Variants in GPHN observed in about 807,000 individuals in gnomAD.
The protein encoded by GPHN is gephyrin.
GPHN carries 17 observed loss-of-function variants against 95.5 expected under a neutral mutation model. That is an observed-to-expected ratio of 0.18 (90% CI 0.12 to 0.27). GPHN has a LOEUF of 0.27. Ranked by LOEUF, GPHN falls within the 10% of genes least tolerant of loss-of-function variation. The probability of loss-of-function intolerance (pLI) is 1.00; values close to 1 mark genes in which losing one functional copy is unlikely to be tolerated. For synonymous variants in GPHN, 320 were observed against 322.5 expected, an observed-to-expected ratio of 0.99 and a Z score of 0.08; for missense variants, 660 against 978.1, an observed-to-expected ratio of 0.67 and a Z score of 4.34.
At chr14:66,621,058 G>A (rs996400913) in intron 1 of GPHN, among the ~76,000 whole-genome samples, 24 of 151,898 alleles carry the variant, frequency 1.6e-4, no homozygotes, top group African/African-American at 5.3e-4. Context: ...TCTGCCTCCC[G>A]GGTTCACGCC....
chr14:66,551,512 A>C (rs1017994695), intron 1 of GPHN, among the ~76,000 whole-genome samples: 2 of 152,222 alleles, frequency 1.3e-5, no homozygotes, highest in African/African-American at 4.8e-5. Context: ...CTTGAGCTAG[A>C]AAGTTTGTTG....
chr14:67,349,710 C>CA, the GPHN span, among the ~76,000 whole-genome samples: 1 of 152,108 alleles, frequency 6.6e-6, no homozygotes, highest in Non-Finnish European at 1.5e-5. Flanking sequence ...CAAAACAAAA[C>CA]AAAAATAAAT....
the GPHN span, chr14:67,691,251 G>A: frequency 1.7e-5 from 28 of 1,606,038 alleles, no homozygotes; most frequent in Non-Finnish European, 2.2e-5. Flanking sequence ...TCCTCTGCAG[G>A]GACAAGACGA....
At chr14:67,226,422 A>G in the GPHN span, among the ~76,000 whole-genome samples, 13 of 149,408 alleles carry the variant, frequency 8.7e-5, no homozygotes, top group Admixed American at 2.7e-4. Context: ...GTGCAGTGGC[A>G]CAATCTTGGC....
intron 4 of GPHN, chr14:66,842,658 C>A (rs1275583967): frequency 6.5e-7 from 1 of 1,531,794 alleles, no homozygotes; most frequent in Non-Finnish European, 8.7e-7. Context: ...TCCCTTTTCT[C>A]TTCTGTTTTT....
intron 4 of GPHN, among the ~76,000 whole-genome samples, chr14:66,824,928 G>A (rs570552323): frequency 9.2e-5 from 14 of 152,112 alleles, no homozygotes; most frequent in African/African-American, 3.1e-4. Flanking sequence ...TTTTCTTGAG[G>A]TACCCTTTTC....
chr14:66,623,647 A>T (rs988514298), intron 1 of GPHN, among the ~76,000 whole-genome samples: 3 of 148,418 alleles, frequency 2.0e-5, no homozygotes, highest in African/African-American at 7.5e-5. Flanking sequence ...AAGCAAAGTC[A>T]TGCTTATTGG....
chr14:66,820,507 G>T (rs887633934), intron 3 of GPHN, among the ~76,000 whole-genome samples: 1 of 152,068 alleles, frequency 6.6e-6, no homozygotes, highest in Non-Finnish European at 1.5e-5. Context: ...TTCCATTTCA[G>T]TGTGCCTTCG....
chr14:66,892,329 A>G (rs2064560133), intron 5 of GPHN, among the ~76,000 whole-genome samples: 1 of 152,152 alleles, frequency 6.6e-6, no homozygotes. Context: ...AGGATGAGGG[A>G]GGAGTATCAC....
chr14:66,836,758 A>G (rs996800669), intron 4 of GPHN, among the ~76,000 whole-genome samples: 3 of 151,790 alleles, frequency 2.0e-5, no homozygotes, highest in African/African-American at 7.3e-5. Flanking sequence ...AAAAAAACAA[A>G]CAACCCCATC....
At chr14:66,614,413 C>T (rs2062912456) in intron 1 of GPHN, among the ~76,000 whole-genome samples, 1 of 152,084 alleles carries the variant, frequency 6.6e-6, no homozygotes, top group Non-Finnish European at 1.5e-5. Context: ...TACCATATGT[C>T]ATTAAATTAA....
the GPHN span, chr14:67,590,270 TGA>T: frequency 2.5e-6 from 2 of 789,156 alleles, no homozygotes; most frequent in African/African-American, 1.8e-5. Flanking sequence ...TTTTTTTTTT[TGA>T]GACAGAGTTT....
chr14:67,300,253 G>A, the GPHN span, among the ~76,000 whole-genome samples: 2 of 151,770 alleles, frequency 1.3e-5, no homozygotes, highest in African/African-American at 4.9e-5. Context: ...CATCTCTTGG[G>A]TTTCATAGGA....
intron 3 of GPHN, among the ~76,000 whole-genome samples, chr14:66,806,264 A>AC (rs2060537416): frequency 6.6e-6 from 1 of 152,074 alleles, no homozygotes; most frequent in African/African-American, 2.4e-5. Flanking sequence ...TAGCACAAGG[A>AC]CCCTGGTCCC....
chr14:66,895,204 T>C (rs2064770641), intron 5 of GPHN, among the ~76,000 whole-genome samples: 1 of 152,206 alleles, frequency 6.6e-6, no homozygotes, highest in Non-Finnish European at 1.5e-5. Context: ...TCATGTCCTT[T>C]GTAGGGACGT....
chr14:67,535,705 C>T, the GPHN span, among the ~76,000 whole-genome samples: 1 of 152,134 alleles, frequency 6.6e-6, no homozygotes, highest in Admixed American at 6.5e-5. Flanking sequence ...TGGGCCACAT[C>T]TCCTTTTATG....
the GPHN span, chr14:67,724,362 T>TA: frequency 4.7e-6 from 4 of 854,676 alleles, no homozygotes; most frequent in African/African-American, 5.1e-5. Context: ...GACTGCAACT[T>TA]AAAGATACCC....
At chr14:67,415,611 C>CTA in the GPHN span, among the ~76,000 whole-genome samples, 1 of 152,314 alleles carries the variant, frequency 6.6e-6, no homozygotes, top group South Asian at 2.1e-4. Context: ...CTCACTGCGT[C>CTA]TACGCCAGCA....
chr14:67,713,180 G>A, the GPHN span, among the ~76,000 whole-genome samples: 1 of 151,572 alleles, frequency 6.6e-6, no homozygotes, highest in Non-Finnish European at 1.5e-5. Flanking sequence ...CCTCAATTCA[G>A]CTACATACCT....
Sources: allele counts gnomAD v4.1 joint callset (sites outside exome capture counted in the v4.1 genomes callset), GRCh38; gene constraint gnomAD v4.1.1; transcripts MANE v1.5; gene names NCBI Gene and HGNC (gene_info 2026-07-23, HGNC 2026-07-21).